Variants in MGST1 observed in about 807,000 individuals in gnomAD.
MGST1 encodes glutathione S-transferase 12.
In MGST1, 5 loss-of-function variants were observed where a neutral mutation model predicts 8.9. That is an observed-to-expected ratio of 0.56 (90% confidence interval 0.29 to 1.19). The LOEUF (loss-of-function observed/expected upper bound fraction) is 1.19, where lower values mean the gene tolerates loss of function less well. Ranked by LOEUF, MGST1 falls within the 50% of genes most tolerant of loss-of-function variation. The pLI is 0.08. For missense variants in MGST1, 182 were observed against 187.4 expected (o/e 0.97, Z 0.17); for synonymous variants, 54 against 67.8 (o/e 0.80, Z 1.00).
At chr12:16,515,212 G>T (rs1229146471) in intron 4 of MGST1, among the ~76,000 whole-genome samples, 1 of 152,150 alleles carries the variant, frequency 6.6e-6, no homozygotes, top group Non-Finnish European at 1.5e-5. Context: ...GCAGATTCCT[G>T]TCATATTTAA....
At chr12:16,535,082 A>G (rs1941747382) in intron 4 of MGST1, among the ~76,000 whole-genome samples, 1 of 152,122 alleles carries the variant, frequency 6.6e-6, no homozygotes, top group African/African-American at 2.4e-5. Flanking sequence ...TATAGGCACC[A>G]TTTCTGGTTC....
At chr12:16,521,887 G>A (rs1292165755) in intron 4 of MGST1, among the ~76,000 whole-genome samples, 1 of 151,976 alleles carries the variant, frequency 6.6e-6, no homozygotes, top group African/African-American at 2.4e-5. Context: ...ACCATTCCGA[G>A]AACACTATTG....
chr12:16,543,303 C>A (rs897583369), intron 4 of MGST1, among the ~76,000 whole-genome samples: 5 of 151,964 alleles, frequency 3.3e-5, no homozygotes, highest in African/African-American at 1.2e-4. Context: ...TTTTTGAGAC[C>A]AAAAGAAGGC....
chr12:16,539,300 G>A (rs983740200), intron 4 of MGST1, among the ~76,000 whole-genome samples: 3 of 151,996 alleles, frequency 2.0e-5, no homozygotes, highest in East Asian at 1.9e-4. Flanking sequence ...TGTACCCTAC[G>A]ATTTTAACAG....
chr12:16,412,901 A>G (rs1344344837), intron 1 of MGST1, among the ~76,000 whole-genome samples: 1 of 152,206 alleles, frequency 6.6e-6, no homozygotes, highest in Non-Finnish European at 1.5e-5. Context: ...TAATTTTGAA[A>G]ATAATATTTT....
At chr12:16,461,690 CA>C (rs1471228655) in intron 4 of MGST1, among the ~76,000 whole-genome samples, 1 of 151,972 alleles carries the variant, frequency 6.6e-6, no homozygotes, top group African/African-American at 2.4e-5. Flanking sequence ...CAATTATTAG[CA>C]AAAAACAGAA....
chr12:16,500,246 A>T lies in MGST1; in HGVS notation n.483-89282A>T, dbSNP rs7316573. Among the ~76,000 whole-genome samples, 28,187 of 152,180 alleles carry T rather than the reference A, an allele frequency of 0.19. 2,872 individuals are homozygous for T. Among genetic ancestry groups the T allele is most frequent in the East Asian group, 0.36 (1,845 of 5,168 alleles). On this transcript the variant is annotated intron_variant and non_coding_transcript_variant, in intron 4 of 4. Transcript: ENST00000538857. This position sits in a 1 kb window ranked among gnomAD's most constrained non-coding sequence, Gnocchi z 4.3. ...AAAGAAAATAATTAAAGGTTATGCC[A>T]TTAAAAAATGTGTCCAAAATGAAGC... is the stretch of plus-strand genomic sequence containing the variant.
chr12:16,387,728 G>A (rs893287353), intron 1 of MGST1, among the ~76,000 whole-genome samples: 4 of 151,916 alleles, frequency 2.6e-5, no homozygotes, highest in Admixed American at 6.6e-5. Context: ...GGTTTTCACC[G>A]TGTTAACCAG....
At position 16,401,240 on chromosome 12, in the gene MGST1, C is replaced by A; in HGVS notation, n.778+17636C>A. The A allele has an allele frequency of 6.4e-7, 1 of 1,568,762 alleles. No individual in the cohort carries two copies. Among genetic ancestry groups the A allele is most frequent in the Non-Finnish European group, 8.8e-7 (1 of 1,141,292 alleles). On this transcript the variant is annotated intron_variant and non_coding_transcript_variant, in intron 1 of 1. Transcript: ENST00000359720. This position sits in a 1 kb window ranked among gnomAD's most constrained non-coding sequence, Gnocchi z 4.3. The stretch of plus-strand genomic sequence containing the variant: ...AGGAACAGGGCATAGGTTTTCTCTT[C>A]TGGCTTTTTCCCCTCCTTGTTAGTC...
rs115094385 is a variant in MGST1, at chr12:16,495,731, A to G, written n.483-93797A>G. 5.7e-3 allele frequency among the ~76,000 whole-genome samples: 866 copies of G among 151,640 alleles called. 7 individuals are homozygous for G. The highest frequency in any genetic ancestry group is 0.02 in the African/African-American group (829 of 41,338). ...TCCCTGATACTCTAGTCTGGACTATATGATCTGCCTTTGTGTTTCTCCAAA... is the reference window on the plus strand; with the variant it reads ...TCCCTGATACTCTAGTCTGGACTATGTGATCTGCCTTTGTGTTTCTCCAAA... On this transcript the variant is annotated intron_variant and non_coding_transcript_variant, in intron 4 of 4. Transcript: ENST00000538857.
intron 4 of MGST1, among the ~76,000 whole-genome samples, chr12:16,554,208 T>TA (rs1942100500): frequency 6.6e-6 from 1 of 152,204 alleles, no homozygotes; most frequent in African/African-American, 2.4e-5. Flanking sequence ...CCTTATAAAA[T>TA]ATAGTGCTTA....
intron 4 of MGST1, among the ~76,000 whole-genome samples, chr12:16,534,754 T>C (rs1333649231): frequency 1.3e-5 from 2 of 151,204 alleles, no homozygotes; most frequent in Non-Finnish European, 2.9e-5. Context: ...GAAATGATAA[T>C]GATTCTCAAC....
chr12:16,420,283 C>A (rs538891149), intron 1 of MGST1, among the ~76,000 whole-genome samples: 1 of 152,260 alleles, frequency 6.6e-6, no homozygotes, highest in African/African-American at 2.4e-5. Flanking sequence ...AGATTCAGAT[C>A]TTTTGATTGA....
At chr12:16,508,140 T>C (rs1689118071) in intron 4 of MGST1, among the ~76,000 whole-genome samples, 1 of 152,158 alleles carries the variant, frequency 6.6e-6, no homozygotes, top group Admixed American at 6.5e-5. Context: ...ATGCCTTGAT[T>C]ATCATTATAC....
At chr12:16,562,673 G>T (rs1263229649) in intron 4 of MGST1, among the ~76,000 whole-genome samples, 1 of 152,170 alleles carries the variant, frequency 6.6e-6, no homozygotes, top group African/African-American at 2.4e-5. Context: ...GTAATGCATG[G>T]CCAGCCCTGA....
At chr12:16,565,204 A>G (rs1334642753) in intron 4 of MGST1, among the ~76,000 whole-genome samples, 3 of 152,218 alleles carry the variant, frequency 2.0e-5, no homozygotes, top group East Asian at 1.9e-4. Context: ...TTCGAAGACT[A>G]TGAAATTGCA....
intron 1 of MGST1, among the ~76,000 whole-genome samples, chr12:16,429,518 TACCTCAAA>T (rs1486517263): frequency 6.6e-6 from 1 of 151,900 alleles, no homozygotes; most frequent in Non-Finnish European, 1.5e-5. Flanking sequence ...ATTACAAGCA[TACCTCAAA>T]GATAGGTATG....
downstream of MGST1, among the ~76,000 whole-genome samples, chr12:16,443,579 T>C (rs997250752): frequency 2.6e-5 from 4 of 152,052 alleles, no homozygotes; most frequent in East Asian, 3.9e-4. Flanking sequence ...TTAGTATTTT[T>C]ACAACATCAT....
intron 4 of MGST1, among the ~76,000 whole-genome samples, chr12:16,498,213 A>T (rs1440361485): frequency 6.6e-6 from 1 of 152,182 alleles, no homozygotes; most frequent in Non-Finnish European, 1.5e-5. Context: ...AAATTATGGG[A>T]TAAGAAAAGA....
Sources: gnomAD v4.1 joint callset for allele counts (sites outside exome capture counted in the v4.1 genomes callset) on GRCh38, gnomAD v4.1.1 for gene constraint, Gnocchi (gnomAD v3.1) non-coding constraint, MANE v1.5 for transcripts, NCBI Gene and HGNC (gene_info 2026-07-23, HGNC 2026-07-21) for gene names.